The following STAT4 variants were observed in gnomAD, a reference collection of about 807,000 sequenced individuals.
STAT4 encodes signal transducer and activator of transcription 4.
Under a neutral mutation model 110.5 loss-of-function variants are expected in STAT4, and 42 were observed. The observed-to-expected ratio is 0.38, with a 90% confidence interval of 0.30 to 0.49. STAT4 has a LOEUF of 0.49. Ranked by LOEUF, STAT4 falls within the 20% of genes least tolerant of loss-of-function variation. STAT4 has a pLI of 0.95. For missense variants in STAT4, 632 were observed against 887.9 expected (o/e 0.71, Z 3.66); for synonymous variants, 284 against 302.2 (o/e 0.94, Z 0.63).
At chr2:191,087,644 C>G (rs1697670487) in intron 3 of STAT4, among the ~76,000 whole-genome samples, 2 of 152,074 alleles carry the variant, frequency 1.3e-5, no homozygotes, top group African/African-American at 4.8e-5. Context: ...TTATGACCAG[C>G]TTCTTATTAT....
At chr2:191,093,473 C>T (rs1298664606) in intron 3 of STAT4, among the ~76,000 whole-genome samples, 1 of 152,198 alleles carries the variant, frequency 6.6e-6, no homozygotes, top group East Asian at 1.9e-4. Flanking sequence ...CCAGCAAAAT[C>T]CAACAGACTT....
chr2:191,114,994 AG>A (rs1319022670), intron 3 of STAT4, among the ~76,000 whole-genome samples: 1 of 152,216 alleles, frequency 6.6e-6, no homozygotes, highest in African/African-American at 2.4e-5. Context: ...GTGATAAAAA[AG>A]GTAAATTTGT....
intron 3 of STAT4, among the ~76,000 whole-genome samples, chr2:191,130,437 T>C (rs941141458): frequency 6.6e-6 from 1 of 150,560 alleles, no homozygotes; most frequent in Non-Finnish European, 1.5e-5. Context: ...TAAGCCAGGA[T>C]GGTCTCGATC....
In STAT4 at chr2:191,146,908, C is replaced by T. The variant is rs1163076425; in HGVS notation, c.129-151G>A. The T allele has an allele frequency of 4.4e-6, 3 of 680,926 alleles. No homozygotes were observed. Among genetic ancestry groups the T allele is most frequent in the African/African-American group, 3.7e-5 (2 of 53,550 alleles). The allele number at this position is 680,926 out of a possible 1,614,324, so 42.2% of individuals were successfully genotyped here. On this transcript the variant is annotated intron_variant, in intron 2 of 23. Coordinates refer to ENST00000392320, the MANE Select transcript of STAT4 (RefSeq NM_003151.4). The surrounding 1 kb of genome is among the most constrained non-coding windows in gnomAD (Gnocchi z 4.5). ...TAAATTGTTAACATGAAGAGATGCT[C>T]AACATCACTAATCATTAGGGAATTT...
chr2:191,136,947 A>C (rs887737827), intron 3 of STAT4, among the ~76,000 whole-genome samples: 1 of 152,216 alleles, frequency 6.6e-6, no homozygotes, highest in Non-Finnish European at 1.5e-5. Context: ...CAAGAAGACA[A>C]TCTCATTTAT....
At chr2:191,096,578 G>A (rs1447532247) in intron 3 of STAT4, among the ~76,000 whole-genome samples, 1 of 152,126 alleles carries the variant, frequency 6.6e-6, no homozygotes, top group African/African-American at 2.4e-5. Context: ...AGCCCTTCAT[G>A]TGAAAAACTC....
At chr2:191,126,072 A>T (rs572940792) in intron 3 of STAT4, among the ~76,000 whole-genome samples, 1 of 152,242 alleles carries the variant, frequency 6.6e-6, no homozygotes, top group East Asian at 1.9e-4. Flanking sequence ...TGCTCCCTTC[A>T]GTCACAATTT....
At chr2:191,044,720 C>T (rs998665638) in intron 14 of STAT4, among the ~76,000 whole-genome samples, 6 of 151,986 alleles carry the variant, frequency 3.9e-5, no homozygotes, top group African/African-American at 1.2e-4. Flanking sequence ...AGGACTGGAG[C>T]CAGAAGATAG....
chr2:191,074,968 C>A (rs1000098164), intron 4 of STAT4, among the ~76,000 whole-genome samples: 2 of 152,054 alleles, frequency 1.3e-5, no homozygotes, highest in African/African-American at 4.8e-5. Flanking sequence ...CAAGACCAAC[C>A]TGGGCAATGT....
chr2:191,137,510 G>A (rs2125436101), intron 3 of STAT4, among the ~76,000 whole-genome samples: 1 of 151,884 alleles, frequency 6.6e-6, no homozygotes, highest in South Asian at 2.1e-4. Context: ...AAACAAAATA[G>A]TAAAATAGAA....
intron 3 of STAT4, among the ~76,000 whole-genome samples, chr2:191,105,358 T>C (rs528665123): frequency 6.6e-6 from 1 of 152,340 alleles, no homozygotes; most frequent in East Asian, 1.9e-4. Flanking sequence ...TTTACATTGT[T>C]CTACCCACAC....
intron 14 of STAT4, among the ~76,000 whole-genome samples, chr2:191,049,559 T>A (rs1696461736): frequency 6.6e-6 from 1 of 152,162 alleles, no homozygotes; most frequent in South Asian, 2.1e-4. Context: ...TCATCCAAAT[T>A]TCTTGGTCAT....
rs1157488018 is a variant in STAT4 at position 191,107,926 on chromosome 2, G to A, written c.274-31601C>T. The stretch of plus-strand genomic sequence containing the variant: ...CATTGATGCCCATATTTTACAAAAT[G>A]GAGTAATTTTCATGATCTCTGAAAA... On this transcript the variant is annotated intron_variant, in intron 3 of 23. Transcript: ENST00000392320. The surrounding 1 kb of genome is among the most constrained non-coding windows in gnomAD (Gnocchi z 4.2). Among the ~76,000 whole-genome samples the A allele has an allele frequency of 2.0e-5, 3 of 152,100 alleles. No homozygotes were observed. Among genetic ancestry groups the A allele is most frequent in the Admixed American group, 2.0e-4 (3 of 15,270 alleles).
rs1337520721 is a variant in STAT4, at chr2:191,034,505, T to C, written c.1620+43A>G. ...AATAGACTTAGAAAGGAACATTGTA[T>C]TAAAAAAATGTATCTAAATGATGTT... On this transcript the variant is annotated intron_variant, in intron 18 of 23. Coordinates refer to ENST00000392320, the MANE Select transcript of STAT4 (RefSeq NM_003151.4). 3 of 1,488,948 alleles carry C rather than the reference T, an allele frequency of 2.0e-6. No individual in the cohort carries two copies. The East Asian group carries it at 6.8e-5, about 34-fold the overall frequency. 92.2% of individuals were successfully genotyped at this position (1,488,948 alleles called of 1,614,324 possible).
intron 3 of STAT4, among the ~76,000 whole-genome samples, chr2:191,109,288 T>G (rs972932333): frequency 6.6e-6 from 1 of 151,540 alleles, no homozygotes; most frequent in African/African-American, 2.4e-5. Context: ...TTTTTGTTTT[T>G]TTGTTTTGTT....
At position 191,044,872 on chromosome 2, in the gene STAT4, T is replaced by C. The variant is rs75238628; in HGVS notation, c.1252-3724A>G. Reference sequence around the variant, plus strand: ...GTGACAAGTATGTAAATTAATCAAATAAAAAACTCAGGGAAACTATTAAAT... The same window carrying C: ...GTGACAAGTATGTAAATTAATCAAACAAAAAACTCAGGGAAACTATTAAAT... On this transcript the variant is annotated intron_variant, in intron 14 of 23. Coordinates refer to ENST00000392320, the MANE Select transcript of STAT4 (RefSeq NM_003151.4). Among the ~76,000 whole-genome samples, 20 of 152,144 alleles carry C rather than the reference T, an allele frequency of 1.3e-4. No individual in the cohort carries two copies. In the East Asian group the frequency reaches 3.9e-3, roughly 29 times the overall value.
intron 3 of STAT4, among the ~76,000 whole-genome samples, chr2:191,080,408 A>G (rs1177370456): frequency 3.3e-4 from 50 of 152,148 alleles, no homozygotes; most frequent in Admixed American, 3.2e-3. Flanking sequence ...ATTGGCACTC[A>G]TATTTTTCCA....
At chr2:191,065,099 T>A (rs1300320002) in intron 7 of STAT4, 141 bp from the exon 8 acceptor site, 6 of 847,680 alleles carry the variant, frequency 7.1e-6, no homozygotes, top group Non-Finnish European at 1.0e-5. Context: ...AGCTTCTATT[T>A]GCCAGGCCTT....
At chr2:191,136,950 T>C (rs1280429967) in intron 3 of STAT4, among the ~76,000 whole-genome samples, 1 of 152,124 alleles carries the variant, frequency 6.6e-6, no homozygotes, top group Non-Finnish European at 1.5e-5. Context: ...GAAGACAATC[T>C]CATTTATAAT....
Sources: gnomAD v4.1 joint callset for allele counts (sites outside exome capture counted in the v4.1 genomes callset) on GRCh38, gnomAD v4.1.1 for gene constraint, Gnocchi (gnomAD v3.1) non-coding constraint, MANE v1.5 for transcripts, NCBI Gene and HGNC (gene_info 2026-07-23, HGNC 2026-07-21) for gene names.